The following NT5E variants were observed in gnomAD, a reference collection of about 807,000 sequenced individuals.
The protein encoded by NT5E is 5'-nucleotidase ecto.
Under a neutral mutation model 55.1 loss-of-function variants are expected in NT5E, and 53 were observed. That is an observed-to-expected ratio of 0.96 (90% CI 0.77 to 1.21). NT5E has a LOEUF of 1.21. NT5E is among the 50% of genes most tolerant of loss of function. The probability of loss-of-function intolerance (pLI) is 0.00; values close to 1 mark genes in which losing one functional copy is unlikely to be tolerated. For missense variants in NT5E, 683 were observed against 724.3 expected (o/e 0.94, Z 0.65); for synonymous variants, 270 against 278.4 (o/e 0.97, Z 0.30).
intron 2 of NT5E, among the ~76,000 whole-genome samples, chr6:85,470,349 AC>A (rs1467785775): frequency 7.2e-5 from 11 of 152,346 alleles, no homozygotes; most frequent in African/African-American, 2.6e-4. Context: ...AGTAATAAGC[AC>A]CCAGGGAAGA....
intron 1 of NT5E, among the ~76,000 whole-genome samples, chr6:85,452,797 G>A (rs551928299): frequency 6.6e-6 from 1 of 152,218 alleles, no homozygotes; most frequent in Non-Finnish European, 1.5e-5. Flanking sequence ...TATTGCTGTT[G>A]TGGTATAAAC....
intron 2 of NT5E, among the ~76,000 whole-genome samples, chr6:85,470,728 C>T (rs1769287041): frequency 6.6e-6 from 1 of 152,232 alleles, no homozygotes; most frequent in African/African-American, 2.4e-5. Flanking sequence ...AAGCGTGAGC[C>T]ACTGTGCCTG....
chr6:85,453,973 C>G (rs1230507736), intron 1 of NT5E, among the ~76,000 whole-genome samples: 1 of 152,126 alleles, frequency 6.6e-6, no homozygotes, highest in African/African-American at 2.4e-5. Context: ...GTTATTTAGC[C>G]CTTTCTGTTT....
intron 3 of NT5E, among the ~76,000 whole-genome samples, chr6:85,475,390 GAA>G (rs1582379461): frequency 6.6e-6 from 1 of 152,240 alleles, no homozygotes; most frequent in East Asian, 1.9e-4. Context: ...TCCAAATGTT[GAA>G]AGTTATTCCA....
chr6:85,455,911 G>A (rs971988587), intron 1 of NT5E, among the ~76,000 whole-genome samples: 3 of 152,068 alleles, frequency 2.0e-5, no homozygotes, highest in African/African-American at 7.3e-5. Flanking sequence ...CAGTTTGTGT[G>A]TATGTGTGTG....
chr6:85,453,768 G>T (rs1275821682), intron 1 of NT5E, among the ~76,000 whole-genome samples: 1 of 152,176 alleles, frequency 6.6e-6, no homozygotes, highest in Non-Finnish European at 1.5e-5. Context: ...GCAGCAGCCA[G>T]GGTGGGAACC....
At chr6:85,453,948 G>A (rs1011214917) in intron 1 of NT5E, among the ~76,000 whole-genome samples, 17 of 152,086 alleles carry the variant, frequency 1.1e-4, no homozygotes, top group African/African-American at 3.9e-4. Flanking sequence ...ATTTTATAAT[G>A]GCATACCCAG....
Position 85,492,017 on chromosome 6 carries a change from CAG to C in NT5E, c.1404_1405del (p.Arg468SerfsTer17). 1 of 1,614,148 alleles carries C rather than the reference CAG, an allele frequency of 6.2e-7. No individual in the cohort carries two copies. Among genetic ancestry groups the C allele is most frequent in the Non-Finnish European group, 8.5e-7 (1 of 1,179,996 alleles). On this transcript the variant is annotated frameshift_variant, in exon 8 of 9. Coordinates refer to ENST00000257770, the MANE Select transcript of NT5E (RefSeq NM_002526.4). LOFTEE classifies it high-confidence loss of function. The stretch of plus-strand genomic sequence containing the variant: ...ATGATCTTTCCCGAAAACCTGGAGA[CAG>C]AGTAGTCAAATTAGATGTTCTTTGC... ...VYDLSRKPGD[R>X]VVKLDVLCTK...
In NT5E at chr6:85,471,330, G is replaced by A; in HGVS notation, c.656G>A (p.Gly219Glu). 2 of 1,613,230 alleles carry A rather than the reference G, an allele frequency of 1.2e-6. No individual in the cohort carries two copies. Among genetic ancestry groups the A allele is most frequent in the African/African-American group, 2.7e-5 (2 of 75,020 alleles). Residue 219 changes from glycine to glutamate, a missense_variant, in exon 3 of 9, where the codon GGA becomes GAA. By Grantham distance (98) the Gly-to-Glu change is moderately conservative (BLOSUM62 -2). Coordinates refer to ENST00000257770, the MANE Select transcript of NT5E (RefSeq NM_002526.4). ...TLNVNKIIAL[G>E]HSGFEMDKLI... ...AATGTGAACAAAATTATTGCACTGG[G>A]ACATTCGGGTTTTGAAATGGATAAA...
chr6:85,466,041 G>T (rs1582373552), intron 1 of NT5E, among the ~76,000 whole-genome samples: 1 of 152,258 alleles, frequency 6.6e-6, no homozygotes, highest in East Asian at 1.9e-4. Flanking sequence ...GCCAGAGCAG[G>T]TAGGGTAGGG....
chr6:85,488,430 C>CAG lies in NT5E; in HGVS notation c.1104+945_1104+946dup, dbSNP rs543754584. On this transcript the variant is annotated intron_variant, in intron 5 of 8. Transcript: ENST00000257770. ...CTCCTCAGCATCATGCAGTCAATGC[C>CAG]AGAGAAGTAGTTAAGGAGAAGCTGG... Among the ~76,000 whole-genome samples the CAG allele has an allele frequency of 3.9e-5, 6 of 152,208 alleles. No homozygotes were observed. The East Asian group carries it at 1.2e-3, about 29-fold the overall frequency.
At chr6:85,462,031 C>A (rs1450953334) in intron 1 of NT5E, among the ~76,000 whole-genome samples, 2 of 152,098 alleles carry the variant, frequency 1.3e-5, no homozygotes, top group Non-Finnish European at 2.9e-5. Flanking sequence ...ACACCAGAAG[C>A]CCCATCCTCT....
chr6:85,461,307 A>G (rs1769094497), intron 1 of NT5E, among the ~76,000 whole-genome samples: 2 of 152,330 alleles, frequency 1.3e-5, no homozygotes, highest in African/African-American at 4.8e-5. Flanking sequence ...GTTGTAATGG[A>G]AAAAAGGTTA....
Position 85,492,601 on chromosome 6 carries a change from C to T in NT5E, c.1561+424C>T, listed in dbSNP as rs556439749. 2.3e-4 allele frequency among the ~76,000 whole-genome samples: 35 copies of T among 152,178 alleles called. No homozygotes were observed. In the East Asian group the frequency reaches 6.6e-3, roughly 29 times the overall value. ...GTCAGGTAGAAGTGGATGGGGTGAG[C>T]GCCGCCCTTTCAGCACAGTGGGTTG... On this transcript the variant is annotated intron_variant, in intron 8 of 8. Transcript: ENST00000257770.
At chr6:85,488,853 T>C (rs941331254) in intron 5 of NT5E, among the ~76,000 whole-genome samples, 1 of 151,326 alleles carries the variant, frequency 6.6e-6, no homozygotes, top group Non-Finnish European at 1.5e-5. Context: ...AGTGCTGGGA[T>C]TTACAGGTGT....
rs1769303116 is a variant in NT5E at position 85,471,362 on chromosome 6, G to A, written c.688G>A (p.Ala230Thr). The A allele has an allele frequency of 6.2e-6, 10 of 1,613,060 alleles. No individual in the cohort carries two copies. The highest frequency in any genetic ancestry group is 2.2e-5 in the East Asian group (1 of 44,844). ...GGGTTTTGAAATGGATAAACTCATCGCTCAGAAAGTGAGGGGTGTGGACGT... is the reference window on the plus strand; with the variant it reads ...GGGTTTTGAAATGGATAAACTCATCACTCAGAAAGTGAGGGGTGTGGACGT... Reference protein sequence around the residue: ...HSGFEMDKLIAQKVRGVDVVV... With the variant: ...HSGFEMDKLITQKVRGVDVVV... The change falls in exon 3 of 9, where the codon GCT becomes ACT. Residue 230 changes from alanine (A) to threonine (T), a missense_variant. Transcript: ENST00000257770.
chr6:85,493,683 T>C (rs1369045775), intron 8 of NT5E, among the ~76,000 whole-genome samples, 158 bp from the exon 9 acceptor site: 3 of 152,170 alleles, frequency 2.0e-5, no homozygotes, highest in Non-Finnish European at 4.4e-5. Flanking sequence ...GAAAAAGCAA[T>C]CAAATTCTTT....
chr6:85,467,503 A>G (rs1366034640), intron 2 of NT5E, among the ~76,000 whole-genome samples: 1 of 152,190 alleles, frequency 6.6e-6, no homozygotes, highest in Non-Finnish European at 1.5e-5. Flanking sequence ...GTTGACAAAA[A>G]CAGTATCTTT....
intron 3 of NT5E, among the ~76,000 whole-genome samples, chr6:85,478,746 T>G (rs978175384): frequency 6.6e-6 from 1 of 150,968 alleles, no homozygotes; most frequent in Non-Finnish European, 1.5e-5. Flanking sequence ...TATATATATA[T>G]AGAAAGAATA....
Sources: allele counts gnomAD v4.1 joint callset (sites outside exome capture counted in the v4.1 genomes callset), GRCh38; gene constraint gnomAD v4.1.1; transcripts MANE v1.5; gene names NCBI Gene and HGNC (gene_info 2026-07-23, HGNC 2026-07-21).